The following KCND2 variants were observed in gnomAD, a reference collection of about 807,000 sequenced individuals.
KCND2 encodes the protein A-type voltage-gated potassium channel KCND2.
In KCND2, 16 loss-of-function variants were observed where a neutral mutation model predicts 54.4. The ratio of observed to expected loss-of-function variants is 0.29; its 90% CI spans 0.20 to 0.45. The LOEUF (loss-of-function observed/expected upper bound fraction) is 0.45. KCND2 is among the 20% of genes least tolerant of loss of function. The probability of loss-of-function intolerance (pLI) is 1.00; values close to 1 mark genes in which losing one functional copy is unlikely to be tolerated. For synonymous variants in KCND2, 317 were observed against 310.7 expected (o/e 1.02, Z -0.21); for missense variants, 486 against 824.2 (o/e 0.59, Z 5.02).
At chr7:120,281,450 G>C (rs1340663445) in intron 1 of KCND2, among the ~76,000 whole-genome samples, 1 of 150,884 alleles carries the variant, frequency 6.6e-6, no homozygotes. Flanking sequence ...AAACCCCAGG[G>C]TGAAACACCA....
intron 1 of KCND2, among the ~76,000 whole-genome samples, chr7:120,588,661 A>T (rs1792631875): frequency 6.6e-6 from 1 of 152,166 alleles, no homozygotes; most frequent in Non-Finnish European, 1.5e-5. Context: ...CTAAGGGAAC[A>T]CAAGCTTGTG....
intron 1 of KCND2, among the ~76,000 whole-genome samples, chr7:120,386,330 TCC>T (rs2116040104): frequency 6.6e-6 from 1 of 152,272 alleles, no homozygotes; most frequent in African/African-American, 2.4e-5. Context: ...GAGTGATGCA[TCC>T]CAGGTTAATC....
chr7:120,623,683 T>C (rs1229354795), intron 1 of KCND2, among the ~76,000 whole-genome samples: 2 of 152,184 alleles, frequency 1.3e-5, no homozygotes, highest in African/African-American at 4.8e-5. Context: ...ATTAAAAATA[T>C]AACATTAAAC....
chr7:120,391,048 C>T (rs572921992), intron 1 of KCND2, among the ~76,000 whole-genome samples: 3 of 152,040 alleles, frequency 2.0e-5, no homozygotes, highest in African/African-American at 7.2e-5. Flanking sequence ...GGTATATGTC[C>T]TAAAGCTCTC....
intron 1 of KCND2, among the ~76,000 whole-genome samples, chr7:120,716,799 G>GT (rs1792608816): frequency 6.6e-6 from 1 of 151,998 alleles, no homozygotes; most frequent in Non-Finnish European, 1.5e-5. Flanking sequence ...AGAGATGCCT[G>GT]TATGAATTCA....
chr7:120,344,561 G>A (rs1381719297), intron 1 of KCND2, among the ~76,000 whole-genome samples: 3 of 152,160 alleles, frequency 2.0e-5, no homozygotes, highest in South Asian at 2.1e-4. Flanking sequence ...ATAGGATGGG[G>A]TAATGGTGCA....
intron 1 of KCND2, among the ~76,000 whole-genome samples, chr7:120,337,026 G>A (rs1362426372): frequency 6.6e-6 from 1 of 151,144 alleles, no homozygotes; most frequent in Non-Finnish European, 1.5e-5. Flanking sequence ...TTTTTTCTTG[G>A]AAAATTCATA....
intron 1 of KCND2, among the ~76,000 whole-genome samples, chr7:120,633,908 G>T (rs1010220945): frequency 6.6e-6 from 1 of 152,090 alleles, no homozygotes; most frequent in Non-Finnish European, 1.5e-5. Context: ...TTTAAGTTGG[G>T]TAGTATAGCA....
chr7:120,497,573 A>G (rs928896756), intron 1 of KCND2, among the ~76,000 whole-genome samples: 5 of 152,216 alleles, frequency 3.3e-5, no homozygotes, highest in Non-Finnish European at 5.9e-5. Context: ...TGAGGATTCC[A>G]TGTACCTTCC....
intron 1 of KCND2, among the ~76,000 whole-genome samples, chr7:120,332,202 C>A (rs1054509021): frequency 6.6e-6 from 1 of 152,032 alleles, no homozygotes; most frequent in African/African-American, 2.4e-5. Context: ...CTCTTGAATT[C>A]TTCTTACCAA....
At chr7:120,648,378 G>GAAAAAAAAAATT (rs1793467558) in intron 1 of KCND2, among the ~76,000 whole-genome samples, 3 of 152,104 alleles carry the variant, frequency 2.0e-5, no homozygotes, top group Non-Finnish European at 2.9e-5. Flanking sequence ...AAAATTATGT[G>GAAAAAAAAAATT]GAGTAGTAGG....
intron 1 of KCND2, among the ~76,000 whole-genome samples, chr7:120,405,381 T>C (rs1036614431): frequency 2.9e-4 from 44 of 152,148 alleles, no homozygotes; most frequent in African/African-American, 2.9e-4. Context: ...GAGTGACTGA[T>C]AGTGCCACAG....
At chr7:120,437,204 C>CTCTTTTTT (rs1801879638) in intron 1 of KCND2, among the ~76,000 whole-genome samples, 1 of 130,428 alleles carries the variant, frequency 7.7e-6, no homozygotes, top group Non-Finnish European at 1.6e-5. Flanking sequence ...CAATATACAA[C>CTCTTTTTT]TTTTTTTTTT....
At position 120,748,499 on chromosome 7, in the gene KCND2, CA is replaced by C. The variant is rs1250747073; in HGVS notation, c.*642del. The C allele has an allele frequency of 6.6e-6, 1 of 152,506 alleles. No individual in the cohort carries two copies. Among genetic ancestry groups the C allele is most frequent in the Admixed American group, 6.6e-5 (1 of 15,236 alleles). 9.4% of individuals were successfully genotyped at this position (152,506 alleles called of 1,614,324 possible). ...TGCAAATAAACTCCTTTTAGACCTG[CA>C]GTATTTCTCATGGGGATGCTCATTA... On this transcript the variant is annotated 3_prime_UTR_variant, in exon 6 of 6. Coordinates refer to ENST00000331113, the MANE Select transcript of KCND2 (RefSeq NM_012281.3).
At chr7:120,282,541 T>C (rs900437091) in intron 1 of KCND2, among the ~76,000 whole-genome samples, 12 of 152,124 alleles carry the variant, frequency 7.9e-5, no homozygotes, top group Non-Finnish European at 7.4e-5. Flanking sequence ...TATGTAATGA[T>C]CTAAATCATT....
chr7:120,386,932 A>G (rs183514745), intron 1 of KCND2, among the ~76,000 whole-genome samples: 180 of 152,270 alleles, frequency 1.2e-3, no homozygotes, highest in African/African-American at 3.9e-3. Flanking sequence ...TCAGTTCTTT[A>G]TTCAGTGCAA....
At chr7:120,739,635 A>C (rs1026126848) in intron 2 of KCND2, among the ~76,000 whole-genome samples, 2 of 152,044 alleles carry the variant, frequency 1.3e-5, no homozygotes, top group African/African-American at 4.8e-5. Context: ...ACACAGGAAG[A>C]ATAAATTTAG....
chr7:120,573,789 G>C (rs1485532122), intron 1 of KCND2, among the ~76,000 whole-genome samples: 1 of 151,852 alleles, frequency 6.6e-6, no homozygotes, highest in Non-Finnish European at 1.5e-5. Context: ...TTAATAAGTA[G>C]TCAAGCAAGA....
chr7:120,524,342 T>C (rs1050824184), intron 1 of KCND2, among the ~76,000 whole-genome samples: 4 of 151,996 alleles, frequency 2.6e-5, no homozygotes, highest in Non-Finnish European at 4.4e-5. Flanking sequence ...CAAAATAAAA[T>C]GTAGGAGTAG....
Sources: gnomAD v4.1 joint callset for allele counts (sites outside exome capture counted in the v4.1 genomes callset) on GRCh38, gnomAD v4.1.1 for gene constraint, MANE v1.5 for transcripts, NCBI Gene and HGNC (gene_info 2026-07-23, HGNC 2026-07-21) for gene names.